Variants in GGH observed in about 807,000 individuals in gnomAD.
The protein encoded by GGH is gamma-Glu-X carboxypeptidase.
Under a neutral mutation model 39.2 loss-of-function variants are expected in GGH, and 18 were observed. That is an observed-to-expected ratio of 0.46 (90% CI 0.32 to 0.68). The LOEUF is 0.68. Among genes scored for constraint, GGH ranks in the 30% least tolerant of loss-of-function variants. GGH has a pLI of 0.04. For synonymous variants in GGH, 147 were observed against 138.8 expected, an observed-to-expected ratio of 1.06 and a Z score of -0.42; for missense variants, 367 against 384.1, an observed-to-expected ratio of 0.96 and a Z score of 0.37.
At position 63,015,343 on chromosome 8, in the gene GGH, T is replaced by C. The variant is rs375063984; in HGVS notation, c.946A>G (p.Ile316Val). Residue 316 changes from isoleucine to valine, a missense_variant, in exon 9 of 9, where the codon ATA becomes GTA. By Grantham distance (29) the Ile-to-Val change is conservative. Transcript: ENST00000260118. The stretch of plus-strand genomic sequence containing the variant: ...CAAATTGAAGACTTTCAATCAAATA[T>C]GTAACATTGCTGAAATGAAGAAATA... ...GNISSFQQCYIFD is the reference protein window; with the variant it reads ...GNISSFQQCYVFD 3.2e-5 allele frequency: 45 copies of C among 1,395,004 alleles called. No individual in the cohort carries two copies. Among genetic ancestry groups the C allele is most frequent in the African/African-American group, 5.7e-5 (4 of 69,606 alleles). The allele number at this position is 1,395,004 out of a possible 1,614,324, so 86.4% of individuals were successfully genotyped here. A position where few individuals can be genotyped will look rare whatever the true frequency, so the allele number is the denominator to read the frequency against.
At chr8:63,027,973 A>G (rs572656671) in intron 3 of GGH, among the ~76,000 whole-genome samples, 9 of 152,320 alleles carry the variant, frequency 5.9e-5, no homozygotes, top group African/African-American at 1.7e-4. Flanking sequence ...AATTTATAGC[A>G]AGGTCTTGAA....
Position 63,027,542 on chromosome 8 carries a change from A to G in GGH, c.276-277T>C, listed in dbSNP as rs565182960. On this transcript the variant is annotated intron_variant, in intron 3 of 8. Transcript: ENST00000260118. ...TAGAGTGTGGGAAAATTAAAAGTAA[A>G]TAAGTAGGGGAGGGGCAAGAGTACA... 2.0e-5 allele frequency among the ~76,000 whole-genome samples: 3 copies of G among 152,326 alleles called. No homozygotes were observed. In the South Asian group the frequency reaches 6.2e-4, roughly 32 times the overall value.
chr8:63,033,917 C>T (rs959416560), intron 2 of GGH, among the ~76,000 whole-genome samples: 12 of 150,672 alleles, frequency 8.0e-5, no homozygotes, highest in Middle Eastern at 3.5e-3. Flanking sequence ...CCTCCAGCTG[C>T]ATTCACATTG....
intron 3 of GGH, chr8:63,029,840 T>C (rs553268406): frequency 2.2e-5 from 4 of 184,698 alleles, no homozygotes; most frequent in Middle Eastern, 2.2e-3. Flanking sequence ...ATAAACCCCA[T>C]ATGCAAGCAG....
intron 2 of GGH, 30 bp downstream of exon 2, chr8:63,035,626 T>TAA (rs34822356): frequency 5.1e-4 from 757 of 1,496,702 alleles, no homozygotes; most frequent in East Asian, 3.4e-3. Flanking sequence ...TTATACAGAG[T>TAA]AAAAAAAAAA....
Position 63,038,746 on chromosome 8 carries a change from A to C in GGH, c.23T>G (p.Leu8Arg), listed in dbSNP as rs1804962227. Residue 8 changes from leucine (L) to arginine (R), a missense_variant, in exon 1 of 9, where the codon CTG becomes CGG. Physicochemically the swap from Leu to Arg is moderately radical, Grantham distance 102 (BLOSUM62 -2). Coordinates refer to ENST00000260118, the MANE Select transcript of GGH (RefSeq NM_003878.3). The part of the protein sequence containing the change: MASPGCL[L>R]CVLGLLLCGA... ...GCAGAGTAGCAGGCCCAGCACGCACAGCAGGCAGCCCGGACTGGCCATGGC... is the reference window on the plus strand; with the variant it reads ...GCAGAGTAGCAGGCCCAGCACGCACCGCAGGCAGCCCGGACTGGCCATGGC... 3.2e-6 allele frequency: 5 copies of C among 1,578,226 alleles called. No individual in the cohort carries two copies. The East Asian group carries it at 1.2e-4, about 37-fold the overall frequency.
chr8:63,026,325 G>A (rs780484466), intron 4 of GGH, 29 bp from the exon 5 acceptor site: 2 of 1,567,042 alleles, frequency 1.3e-6, no homozygotes, highest in South Asian at 1.2e-5. Flanking sequence ...AGAAAACTAA[G>A]TTTATTCAAA....
At chr8:63,028,313 GTATT>G (rs1188205791) in intron 3 of GGH, 2 of 151,986 alleles carry the variant, frequency 1.3e-5, no homozygotes, top group Non-Finnish European at 2.9e-5. Flanking sequence ...CATTAACTCA[GTATT>G]TTTTTTTAAT....
At position 63,038,780 on chromosome 8, in the gene GGH, C is replaced by T; in HGVS notation, c.-12G>A. 3 of 1,472,106 alleles carry T rather than the reference C, an allele frequency of 2.0e-6. No homozygotes were observed. The highest frequency in any genetic ancestry group is 2.7e-6 in the Non-Finnish European group (3 of 1,100,632). 91.2% of individuals were successfully genotyped at this position (1,472,106 alleles called of 1,614,324 possible). A position where few individuals can be genotyped will look rare whatever the true frequency, so the allele number is the denominator to read the frequency against. ...CCCGGACTGGCCATGGCGCTCGCCG[C>T]CTCCCGCCGCCTTTCAAAAGCTCTG... On this transcript the variant is annotated 5_prime_UTR_variant, in exon 1 of 9. Transcript: ENST00000260118.
chr8:63,020,986 C>A (rs887497310), intron 7 of GGH, among the ~76,000 whole-genome samples: 2 of 152,086 alleles, frequency 1.3e-5, no homozygotes, highest in African/African-American at 2.4e-5. Context: ...ATTGGGAGGA[C>A]GAAACATGAT....
chr8:63,019,308 A>C (rs1439368429), intron 7 of GGH, among the ~76,000 whole-genome samples: 1 of 152,184 alleles, frequency 6.6e-6, no homozygotes, highest in African/African-American at 2.4e-5. Flanking sequence ...CAGACATCTC[A>C]GTTGGGTCAG....
At chr8:63,026,473 G>A (rs1804686148) in intron 4 of GGH, among the ~76,000 whole-genome samples, 177 bp from the exon 5 acceptor site, 1 of 152,138 alleles carries the variant, frequency 6.6e-6, no homozygotes, top group Admixed American at 6.5e-5. Flanking sequence ...CTCCCACACA[G>A]GCTGGAAAAC....
chr8:63,035,074 T>C (rs564791216), intron 2 of GGH, among the ~76,000 whole-genome samples: 2 of 152,066 alleles, frequency 1.3e-5, no homozygotes, highest in Admixed American at 6.5e-5. Context: ...ACCTTCATAG[T>C]GTCTGTGAGA....
chr8:63,025,447 G>A (rs1804665561), intron 5 of GGH, among the ~76,000 whole-genome samples: 1 of 152,170 alleles, frequency 6.6e-6, no homozygotes, highest in Non-Finnish European at 1.5e-5. Context: ...TGGTTGCTGA[G>A]TAAATATAGC....
chr8:63,016,313 G>A (rs1455571614), intron 8 of GGH, among the ~76,000 whole-genome samples: 1 of 152,038 alleles, frequency 6.6e-6, no homozygotes, highest in Non-Finnish European at 1.5e-5. Context: ...TACTGTATAT[G>A]GGATACTTTT....
At chr8:63,032,687 A>G (rs7839874) in intron 2 of GGH, among the ~76,000 whole-genome samples, 118,963 of 152,150 alleles carry the variant, frequency 0.78, 47,575 homozygotes, top group East Asian at 0.98. Context: ...GTAATCCTTC[A>G]CAGGCTAGTC....
chr8:63,030,117 A>G (rs1350043643), intron 3 of GGH, 50 bp downstream of exon 3: 1 of 779,256 alleles, frequency 1.3e-6, no homozygotes, highest in East Asian at 2.4e-5. Flanking sequence ...ACAAAAGCAG[A>G]CATATGTAGA....
rs114664885 is a variant in GGH, at chr8:63,030,174, T to G, written c.268A>C (p.Ile90Leu). ...EKDYEILFKS[I>L]NGILFPGGSV... ...CCAATGCTGCCAACTTACCCATTAA[T>G]AGATTTGAAAAGTATTTCATAGTCT... Residue 90 changes from isoleucine to leucine, a missense_variant, in exon 3 of 9, where the codon ATT (isoleucine) becomes CTT (leucine). Coordinates refer to ENST00000260118, the MANE Select transcript of GGH (RefSeq NM_003878.3). 7.2e-7 allele frequency: 1 copy of G among 1,396,122 alleles called. No homozygotes were observed. Among genetic ancestry groups the G allele is most frequent in the Non-Finnish European group, 1.0e-6 (1 of 982,208 alleles). The allele number at this position is 1,396,122 out of a possible 1,614,324, so 86.5% of individuals were successfully genotyped here.
chr8:63,025,236 C>T (rs1332255231), intron 5 of GGH: 3 of 152,098 alleles, frequency 2.0e-5, no homozygotes, highest in African/African-American at 7.2e-5. Flanking sequence ...GTGGGTCCCT[C>T]AATTATTTCA....
Sources: gnomAD v4.1 joint callset for allele counts (sites outside exome capture counted in the v4.1 genomes callset) on GRCh38, gnomAD v4.1.1 for gene constraint, MANE v1.5 for transcripts, NCBI Gene and HGNC (gene_info 2026-07-23, HGNC 2026-07-21) for gene names.